SRFBP1: variants seen among roughly 807,000 people sequenced by gnomAD.
The protein encoded by SRFBP1 is serum response factor binding protein 1.
A neutral mutation model predicts 45.5 loss-of-function variants in SRFBP1; 47 were observed. The observed-to-expected ratio is 1.03, with a 90% CI of 0.82 to 1.32. The LOEUF (loss-of-function observed/expected upper bound fraction) is 1.32, where lower values mean the gene tolerates loss of function less well. SRFBP1 is among the 40% of genes most tolerant of loss of function. The probability of loss-of-function intolerance (pLI) is 0.00; values close to 1 mark genes in which losing one functional copy is unlikely to be tolerated. For missense variants in SRFBP1, 621 were observed against 484.6 expected, an observed-to-expected ratio of 1.28 and a Z score of -2.64; for synonymous variants, 203 against 166.3, an observed-to-expected ratio of 1.22 and a Z score of -1.70.
chr5:122,055,778 A>G (rs1754067686), intron 2 of SRFBP1, among the ~76,000 whole-genome samples: 1 of 152,184 alleles, frequency 6.6e-6, no homozygotes, highest in African/African-American at 2.4e-5. Flanking sequence ...GAAATTAAAA[A>G]CACAATGAGG....
At chr5:122,077,781 G>A (rs1321560490), downstream of SRFBP1, 2 of 1,548,828 alleles carry the variant, frequency 1.3e-6, no homozygotes, top group Non-Finnish European at 1.7e-6. This position sits in a 1 kb window ranked among gnomAD's most constrained non-coding sequence, Gnocchi z 4.9. Context: ...GGGTCCCGGC[G>A]GCGCTGAGGC....
At chr5:121,969,338 G>A (rs556598181) in intron 1 of SRFBP1, among the ~76,000 whole-genome samples, 2 of 152,220 alleles carry the variant, frequency 1.3e-5, no homozygotes, top group African/African-American at 4.8e-5. Context: ...ATGTTGAGCT[G>A]TGATGCATCT....
At chr5:121,981,040 A>G (rs550427138) in intron 3 of SRFBP1, among the ~76,000 whole-genome samples, 1 of 152,138 alleles carries the variant, frequency 6.6e-6, no homozygotes, top group Non-Finnish European at 1.5e-5. Flanking sequence ...CTTTCCTCCA[A>G]GTAAGCTTGG....
At chr5:122,055,534 T>C (rs1754063774) in intron 2 of SRFBP1, among the ~76,000 whole-genome samples, 1 of 152,176 alleles carries the variant, frequency 6.6e-6, no homozygotes, top group Non-Finnish European at 1.5e-5. Context: ...TTGTCCAGCA[T>C]TGTCATGTTA....
At chr5:122,000,614 A>C (rs1301090169) in intron 4 of SRFBP1, among the ~76,000 whole-genome samples, 1 of 152,002 alleles carries the variant, frequency 6.6e-6, no homozygotes, top group African/African-American at 2.4e-5. Context: ...AGCTTCTTTA[A>C]TTTTGTAAAA....
intron 4 of SRFBP1, among the ~76,000 whole-genome samples, chr5:122,002,832 TGG>T (rs2112686320): frequency 6.6e-6 from 1 of 152,312 alleles, no homozygotes; most frequent in Admixed American, 6.5e-5. Context: ...TTCTTTGAAC[TGG>T]ATGATGTTAA....
intron 2 of SRFBP1, chr5:122,074,211 C>G (rs778698143): frequency 2.6e-6 from 4 of 1,556,372 alleles, no homozygotes; most frequent in South Asian, 2.3e-5. Flanking sequence ...CAGTTACATA[C>G]AGAGAAAGCA....
chr5:122,032,482 A>G (rs146211884), downstream of SRFBP1, among the ~76,000 whole-genome samples: 158 of 150,324 alleles, frequency 1.1e-3, 2 homozygotes, highest in African/African-American at 3.8e-3. Flanking sequence ...ATATATGTCT[A>G]TTTTTCTTAC....
chr5:122,078,833 T>G (rs1423058530), downstream of SRFBP1, among the ~76,000 whole-genome samples: 1 of 152,256 alleles, frequency 6.6e-6, no homozygotes, highest in Non-Finnish European at 1.5e-5. Flanking sequence ...GGGTTACAAA[T>G]TTATTTCCTA....
chr5:122,068,213 G>A (rs916280119), intron 2 of SRFBP1, among the ~76,000 whole-genome samples: 2 of 145,404 alleles, frequency 1.4e-5, no homozygotes, highest in African/African-American at 2.6e-5. Context: ...CTCTATATGA[G>A]TGACCACATC....
At chr5:122,005,323 C>G (rs1455769233) in intron 4 of SRFBP1, among the ~76,000 whole-genome samples, 1 of 152,054 alleles carries the variant, frequency 6.6e-6, no homozygotes, top group African/African-American at 2.4e-5. Flanking sequence ...TATTTGGGTC[C>G]TCTGATACTG....
At position 122,019,561 on chromosome 5, in the gene SRFBP1, G is replaced by A. The variant is rs151292073; in HGVS notation, c.352+220G>A. On this transcript the variant is annotated intron_variant, in intron 5 of 7. Transcript: ENST00000339397. ...ATTCTAATATGTGAACGTATAATAC[G>A]TAATATATATCTTTTTATATATAAT... 6.6e-3 allele frequency among the ~76,000 whole-genome samples: 1,001 copies of A among 151,162 alleles called. 18 individuals carry two copies. The highest frequency in any genetic ancestry group is 0.023 in the African/African-American group (953 of 41,330).
intron 2 of SRFBP1, among the ~76,000 whole-genome samples, chr5:122,061,310 A>G (rs1754165167): frequency 6.6e-6 from 1 of 151,792 alleles, no homozygotes; most frequent in African/African-American, 2.4e-5. Context: ...TCGACTTGGT[A>G]TGTAAATTGA....
chr5:122,011,702 T>C (rs1051730972), intron 4 of SRFBP1, among the ~76,000 whole-genome samples: 1 of 152,148 alleles, frequency 6.6e-6, no homozygotes, highest in Non-Finnish European at 1.5e-5. Context: ...TGTAAGACAG[T>C]GTCTTCACAT....
In SRFBP1 at chr5:122,027,889, T is replaced by A. The variant is rs879719123; in HGVS notation, c.*763T>A. The A allele has an allele frequency of 6.6e-6, 1 of 152,204 alleles. No homozygotes were observed. Among genetic ancestry groups the A allele is most frequent in the Non-Finnish European group, 1.5e-5 (1 of 68,042 alleles). The allele number at this position is 152,204 out of a possible 1,614,324, so 9.4% of individuals were successfully genotyped here. ...GCAATACAACCAATAATTTGTTTTA[T>A]GTTTCACTGCATATAAATATTTCCA... On this transcript the variant is annotated 3_prime_UTR_variant, in exon 8 of 8. Transcript: ENST00000339397.
chr5:122,007,392 A>G (rs1474222133), intron 4 of SRFBP1, among the ~76,000 whole-genome samples: 1 of 150,768 alleles, frequency 6.6e-6, no homozygotes, highest in African/African-American at 2.5e-5. Context: ...CTGGCTGGGT[A>G]TCAAGGCCAG....
chr5:121,964,483 G>C (rs1752019884), intron 1 of SRFBP1, among the ~76,000 whole-genome samples: 1 of 152,092 alleles, frequency 6.6e-6, no homozygotes, highest in African/African-American at 2.4e-5. Context: ...AGAGAATGAT[G>C]GTTTCCAGCA....
intron 2 of SRFBP1, chr5:122,066,725 G>A (rs767546142): frequency 1.3e-6 from 2 of 1,597,680 alleles, no homozygotes; most frequent in African/African-American, 2.7e-5. Flanking sequence ...TTATCCATTG[G>A]GAGTTTTGCT....
At chr5:122,043,195 G>C (rs1753797944) in intron 2 of SRFBP1, among the ~76,000 whole-genome samples, 1 of 151,876 alleles carries the variant, frequency 6.6e-6, no homozygotes, top group South Asian at 2.1e-4. Context: ...GAAAATATCT[G>C]TCTCACTATT....
Sources: gnomAD v4.1 joint callset for allele counts (sites outside exome capture counted in the v4.1 genomes callset) on GRCh38, gnomAD v4.1.1 for gene constraint, Gnocchi (gnomAD v3.1) non-coding constraint, MANE v1.5 for transcripts, NCBI Gene and HGNC (gene_info 2026-07-23, HGNC 2026-07-21) for gene names.